Variants in PRPSAP2 observed in about 807,000 individuals in gnomAD.
PRPSAP2 encodes phosphoribosyl pyrophosphate synthetase associated protein 2.
In PRPSAP2, 24 loss-of-function variants were observed where a neutral mutation model predicts 40.6. The ratio of observed to expected loss-of-function variants is 0.59; its 90% confidence interval spans 0.43 to 0.83. The LOEUF is 0.83. Ranked by LOEUF, PRPSAP2 falls within the 40% of genes least tolerant of loss-of-function variation. PRPSAP2 has a pLI of 0.00. For missense variants in PRPSAP2, 292 were observed against 465.6 expected (o/e 0.63, Z 3.43); for synonymous variants, 149 against 164.7 (o/e 0.90, Z 0.73).
intron 9 of PRPSAP2, among the ~76,000 whole-genome samples, chr17:18,919,328 G>A (rs914083887): frequency 2.6e-5 from 4 of 152,162 alleles, no homozygotes; most frequent in Non-Finnish European, 4.4e-5. Context: ...CCAAGATGGC[G>A]AAACGCTGTC....
At chr17:18,925,874 G>A (rs1462013270) in intron 10 of PRPSAP2, among the ~76,000 whole-genome samples, 1 of 152,184 alleles carries the variant, frequency 6.6e-6, no homozygotes, top group Non-Finnish European at 1.5e-5. Flanking sequence ...CACTTTGGGA[G>A]GCCGAGACGG....
chr17:18,860,992 A>C (rs77353136), intron 1 of PRPSAP2, among the ~76,000 whole-genome samples: 1,968 of 152,324 alleles, frequency 0.013, 25 homozygotes, highest in Non-Finnish European at 0.02. Flanking sequence ...GTTATAGCTC[A>C]TGGGGAAAAT....
chr17:18,923,271 T>G (rs1040156316), intron 9 of PRPSAP2, among the ~76,000 whole-genome samples: 67 of 145,956 alleles, frequency 4.6e-4, no homozygotes, highest in Admixed American at 4.4e-3. Context: ...TTTTTTTTTT[T>G]TTTTTTTTGT....
Position 18,862,194 on chromosome 17 carries a change from T to A in PRPSAP2, c.-128-3275T>A, listed in dbSNP as rs915541155. Reference sequence around the variant, plus strand: ...TGAGCCACGGCGCCTGGCCACAGCATGTTCTAAGGAAGAATTTGGAATGAT... The same window carrying A: ...TGAGCCACGGCGCCTGGCCACAGCAAGTTCTAAGGAAGAATTTGGAATGAT... On this transcript the variant is annotated intron_variant, in intron 1 of 11. Transcript: ENST00000268835. Among the ~76,000 whole-genome samples the A allele has an allele frequency of 5.3e-5, 8 of 152,278 alleles. 1 individual carries two copies. The South Asian group carries it at 1.7e-3, about 32-fold the overall frequency.
rs1335251367 is a variant in PRPSAP2 at position 18,911,175 on chromosome 17, G to A, written c.657G>A (p.Ser219=). ...VIHGEAQDAE[S]DLVDGRHSPP... ...ATGGAGAGGCGCAGGATGCCGAGTC[G>A]GACTTGGTGGATGGACGGCATTCCC... is the stretch of plus-strand genomic sequence containing the variant. Residue 219 remains serine (S), a synonymous_variant, in exon 9 of 12, where the codon TCG becomes TCA. Transcript: ENST00000268835. The surrounding 1 kb of genome is among the most constrained non-coding windows in gnomAD (Gnocchi z 4.5). 5.6e-6 allele frequency: 9 copies of A among 1,613,936 alleles called. No individual in the cohort carries two copies. The highest frequency in any genetic ancestry group is 2.2e-5 in the East Asian group (1 of 44,882).
chr17:18,926,777 A>AGTATGT (rs2042000692), intron 10 of PRPSAP2, among the ~76,000 whole-genome samples: 2 of 148,222 alleles, frequency 1.3e-5, no homozygotes, highest in African/African-American at 2.5e-5. Context: ...AGTGAGTGTG[A>AGTATGT]GTGTGTGTGT....
At chr17:18,908,552 C>G (rs915381119) in intron 8 of PRPSAP2, 1 of 747,516 alleles carries the variant, frequency 1.3e-6, no homozygotes, top group Non-Finnish European at 2.5e-6. Flanking sequence ...GGACAAGACC[C>G]TGAAGATCTG....
At chr17:18,925,414 CCTT>C (rs1379449548) in intron 10 of PRPSAP2, among the ~76,000 whole-genome samples, 2 of 152,162 alleles carry the variant, frequency 1.3e-5, no homozygotes, top group African/African-American at 4.8e-5. Context: ...TTAAATGCTG[CCTT>C]TTTTTCTTGT....
chr17:18,871,799 T>C (rs2037901399), intron 4 of PRPSAP2, among the ~76,000 whole-genome samples: 2 of 152,096 alleles, frequency 1.3e-5, no homozygotes, highest in Admixed American at 1.3e-4. Flanking sequence ...TAGCTAGGAT[T>C]ATAGGCATGC....
intron 8 of PRPSAP2, among the ~76,000 whole-genome samples, chr17:18,902,014 G>A (rs1165066633): frequency 6.6e-6 from 1 of 151,898 alleles, no homozygotes; most frequent in African/African-American, 2.4e-5. Flanking sequence ...TAACTCTAGG[G>A]TACAAGTAAT....
intron 10 of PRPSAP2, chr17:18,928,564 C>T: frequency 2.1e-6 from 1 of 486,204 alleles, no homozygotes; most frequent in South Asian, 1.9e-5. Context: ...CCCCTGGGAG[C>T]CTGGAGTGTG....
At chr17:18,923,751 T>G (rs1315138231) in intron 9 of PRPSAP2, among the ~76,000 whole-genome samples, 163 bp from the exon 10 acceptor site, 2 of 152,276 alleles carry the variant, frequency 1.3e-5, no homozygotes, top group Non-Finnish European at 2.9e-5. Context: ...CCATAAAGTA[T>G]CAAGTTAGCT....
chr17:18,924,391 C>T (rs950419788), intron 10 of PRPSAP2, among the ~76,000 whole-genome samples: 1 of 152,168 alleles, frequency 6.6e-6, no homozygotes, highest in Admixed American at 6.5e-5. Context: ...GTAGTATGGC[C>T]AGATAATTCT....
chr17:18,915,698 GC>G (rs2041265074), intron 9 of PRPSAP2, among the ~76,000 whole-genome samples: 2 of 152,196 alleles, frequency 1.3e-5, no homozygotes, highest in Middle Eastern at 3.4e-3. Context: ...GGAACTAAGT[GC>G]CCTGAGAGCA....
At chr17:18,872,094 C>T (rs1257243111) in intron 4 of PRPSAP2, among the ~76,000 whole-genome samples, 1 of 152,006 alleles carries the variant, frequency 6.6e-6, no homozygotes, top group Non-Finnish European at 1.5e-5. Context: ...CATGGTGAAA[C>T]CCTGTCTCTA....
At chr17:18,912,340 G>A (rs1218342998) in intron 9 of PRPSAP2, among the ~76,000 whole-genome samples, 1 of 152,136 alleles carries the variant, frequency 6.6e-6, no homozygotes, top group East Asian at 1.9e-4. Context: ...TCGTAGAGCA[G>A]AGTCCTAACA....
At chr17:18,898,901 T>C (rs998721333) in intron 8 of PRPSAP2, among the ~76,000 whole-genome samples, 1 of 151,904 alleles carries the variant, frequency 6.6e-6, no homozygotes, top group Non-Finnish European at 1.5e-5. Flanking sequence ...GTTTGTTTGT[T>C]TGTTTGTTTG....
chr17:18,890,586 A>G (rs1213292474), intron 8 of PRPSAP2, among the ~76,000 whole-genome samples: 3 of 152,220 alleles, frequency 2.0e-5, no homozygotes, highest in Non-Finnish European at 4.4e-5. Context: ...TGCTGGGATT[A>G]CAGGCATGAG....
Position 18,930,707 on chromosome 17 carries a change from T to C in PRPSAP2, c.*9T>C. 1 of 1,604,052 alleles carries C rather than the reference T, an allele frequency of 6.2e-7. No homozygotes were observed. The highest frequency in any genetic ancestry group is 8.5e-7 in the Non-Finnish European group (1 of 1,174,196). The stretch of plus-strand genomic sequence containing the variant: ...TAGGCTTAGATGACTGAGTTTTCCT[T>C]TAGGAAAACTCCCGAGGGCCAAACT... On this transcript the variant is annotated 3_prime_UTR_variant, in exon 12 of 12. Coordinates refer to ENST00000268835, the MANE Select transcript of PRPSAP2 (RefSeq NM_002767.4).
Sources: gnomAD v4.1 joint callset for allele counts (sites outside exome capture counted in the v4.1 genomes callset) on GRCh38, gnomAD v4.1.1 for gene constraint, Gnocchi (gnomAD v3.1) non-coding constraint, MANE v1.5 for transcripts, NCBI Gene and HGNC (gene_info 2026-07-23, HGNC 2026-07-21) for gene names.